Variants in ADTRP observed in about 807,000 individuals in gnomAD.
ADTRP encodes the protein androgen dependent TFPI regulating protein.
Under a neutral mutation model 27.0 loss-of-function variants are expected in ADTRP, and 20 were observed. The ratio of observed to expected loss-of-function variants is 0.74; its 90% CI spans 0.52 to 1.08. The LOEUF is 1.08. Ranked by LOEUF, ADTRP falls within the 50% of genes least tolerant of loss-of-function variation. The pLI, the probability that ADTRP is intolerant of heterozygous loss-of-function variation, is 0.00. For synonymous variants in ADTRP, 101 were observed against 105.2 expected (o/e 0.96, Z 0.25); for missense variants, 251 against 275.0 (o/e 0.91, Z 0.62).
chr6:11,742,223 G>A (rs906330808), intron 3 of ADTRP, among the ~76,000 whole-genome samples: 5 of 152,030 alleles, frequency 3.3e-5, no homozygotes, highest in Non-Finnish European at 5.9e-5. Context: ...TCATCTCAGA[G>A]CATCTCAGCA....
At chr6:11,771,621 G>A (rs1763784188) in intron 1 of ADTRP, among the ~76,000 whole-genome samples, 4 of 152,210 alleles carry the variant, frequency 2.6e-5, no homozygotes, top group African/African-American at 7.2e-5. Context: ...GCGATCAGGG[G>A]AGGCAATGTT....
intron 5 of ADTRP, among the ~76,000 whole-genome samples, chr6:11,720,279 G>A (rs1761972921): frequency 6.6e-6 from 1 of 152,038 alleles, no homozygotes; most frequent in African/African-American, 2.4e-5. Flanking sequence ...CACTAGTAGG[G>A]GAACCAGTCA....
At chr6:11,770,647 T>C (rs908742287) in intron 1 of ADTRP, among the ~76,000 whole-genome samples, 2 of 152,118 alleles carry the variant, frequency 1.3e-5, no homozygotes, top group Non-Finnish European at 2.9e-5. Flanking sequence ...GGGCAACAGC[T>C]TTAAATGGCA....
intron 3 of ADTRP, among the ~76,000 whole-genome samples, chr6:11,762,354 T>C (rs1000827319): frequency 3.9e-5 from 6 of 152,242 alleles, no homozygotes; most frequent in African/African-American, 1.2e-4. Flanking sequence ...CTATTTCAAC[T>C]TCGTGTGTGT....
At chr6:11,724,089 A>ACAAACAAC (rs35453468) in intron 4 of ADTRP, among the ~76,000 whole-genome samples, 27 of 151,892 alleles carry the variant, frequency 1.8e-4, no homozygotes, top group South Asian at 4.2e-4. Flanking sequence ...AAACAAACAA[A>ACAAACAAC]CATAGAACCA....
At chr6:11,764,191 C>A (rs917853200) in intron 3 of ADTRP, among the ~76,000 whole-genome samples, 3 of 152,208 alleles carry the variant, frequency 2.0e-5, no homozygotes, top group Non-Finnish European at 2.9e-5. Flanking sequence ...TGCTAATTAG[C>A]TCACGGATGT....
chr6:11,721,272 C>A (rs1226503748), intron 5 of ADTRP, among the ~76,000 whole-genome samples: 2 of 152,116 alleles, frequency 1.3e-5, no homozygotes, highest in African/African-American at 2.4e-5. Context: ...GAGGGAAAAC[C>A]AGCAGTTTGG....
At chr6:11,765,320 TTTG>T (rs1332813211) in intron 3 of ADTRP, among the ~76,000 whole-genome samples, 5 of 57,698 alleles carry the variant, frequency 8.7e-5, no homozygotes, top group Admixed American at 2.1e-4. Flanking sequence ...TTTCCCCTGG[TTTG>T]TTTTTTTTTT....
chr6:11,714,453 T>C lies in ADTRP; in HGVS notation c.*25A>G. ...AAAATCTCTTGTGTTTTCTTCTTTCTTGGTTCTTGGAAAATGGTGTGCAAT... is the reference window on the plus strand; with the variant it reads ...AAAATCTCTTGTGTTTTCTTCTTTCCTGGTTCTTGGAAAATGGTGTGCAAT... On this transcript the variant is annotated 3_prime_UTR_variant, in exon 6 of 6. Coordinates refer to ENST00000414691, the MANE Select transcript of ADTRP (RefSeq NM_032744.4). 1 of 1,608,520 alleles carries C rather than the reference T, an allele frequency of 6.2e-7. No homozygotes were observed.
At chr6:11,773,563 C>T (rs1002275451) in intron 1 of ADTRP, among the ~76,000 whole-genome samples, 7 of 152,188 alleles carry the variant, frequency 4.6e-5, no homozygotes, top group Admixed American at 2.0e-4. Context: ...GGACCTAAAC[C>T]TTGGTCGAGG....
rs2113338538 is a variant in ADTRP, at chr6:11,768,179, G to C, written c.288+70C>G. 3 of 1,569,970 alleles carry C rather than the reference G, an allele frequency of 1.9e-6. No homozygotes were observed. In the South Asian group the frequency reaches 3.6e-5, roughly 19 times the overall value. On this transcript the variant is annotated intron_variant, in intron 2 of 5. Coordinates refer to ENST00000414691, the MANE Select transcript of ADTRP (RefSeq NM_032744.4). ...CCAATTATGGGCTCCCAAACAGCTT[G>C]GCTGCCCAGGAGAAGCGTCTGTCCA...
intron 3 of ADTRP, among the ~76,000 whole-genome samples, chr6:11,756,644 A>G (rs1384854448): frequency 1.3e-5 from 2 of 152,222 alleles, no homozygotes; most frequent in Non-Finnish European, 2.9e-5. Flanking sequence ...GATGCTGGCT[A>G]TGTGTTTATA....
intron 3 of ADTRP, among the ~76,000 whole-genome samples, chr6:11,737,223 GT>G (rs1561752212): frequency 6.6e-6 from 1 of 151,996 alleles, no homozygotes; most frequent in Non-Finnish European, 1.5e-5. Flanking sequence ...AGTATTTTGC[GT>G]TTTTTGTAGT....
At chr6:11,772,029 C>T (rs1480204907) in intron 1 of ADTRP, among the ~76,000 whole-genome samples, 3 of 152,330 alleles carry the variant, frequency 2.0e-5, no homozygotes, top group Middle Eastern at 3.4e-3. Context: ...AAAATATGAT[C>T]GCCACAACTG....
intron 4 of ADTRP, among the ~76,000 whole-genome samples, chr6:11,733,057 A>C: frequency 6.6e-6 from 1 of 152,202 alleles, no homozygotes; most frequent in East Asian, 1.9e-4. Flanking sequence ...TGGGCATGTC[A>C]TCTACCCTAC....
At chr6:11,746,079 C>A (rs754287657) in intron 3 of ADTRP, among the ~76,000 whole-genome samples, 16 of 152,280 alleles carry the variant, frequency 1.1e-4, no homozygotes, top group Non-Finnish European at 1.8e-4. Flanking sequence ...CATGAGCCAC[C>A]CCGCCCGTCC....
chr6:11,723,205 G>T, intron 5 of ADTRP, 144 bp downstream of exon 5: 1 of 1,173,574 alleles, frequency 8.5e-7, no homozygotes, highest in Non-Finnish European at 1.2e-6. Flanking sequence ...AGGACCTCTT[G>T]GCAGGACCTG....
intron 4 of ADTRP, among the ~76,000 whole-genome samples, chr6:11,730,346 C>A (rs940834985): frequency 6.6e-6 from 1 of 152,158 alleles, no homozygotes; most frequent in Admixed American, 6.5e-5. Flanking sequence ...TGGATGATCT[C>A]AGTTGAAGGT....
chr6:11,736,427 TCACA>T (rs1406931383), intron 3 of ADTRP: 1 of 152,544 alleles, frequency 6.6e-6, no homozygotes, highest in Admixed American at 6.5e-5. Flanking sequence ...CGGCATATTC[TCACA>T]CACATTTGTG....
Sources: gnomAD v4.1 joint callset for allele counts (sites outside exome capture counted in the v4.1 genomes callset) on GRCh38, gnomAD v4.1.1 for gene constraint, MANE v1.5 for transcripts, NCBI Gene and HGNC (gene_info 2026-07-23, HGNC 2026-07-21) for gene names.